PI4KA: variants seen among roughly 807,000 people sequenced by gnomAD.
PI4KA encodes phosphatidylinositol 4-kinase alpha, also known as PI4-kinase alpha.
A neutral mutation model predicts 271.4 loss-of-function variants in PI4KA; 122 were observed. The ratio of observed to expected loss-of-function variants is 0.45; its 90% CI spans 0.39 to 0.52. The LOEUF (loss-of-function observed/expected upper bound fraction) is 0.52. Among genes scored for constraint, PI4KA ranks in the 20% least tolerant of loss-of-function variants. The pLI is 0.00. For missense variants in PI4KA, 1,969 were observed against 2,769.1 expected (o/e 0.71, Z 6.48); for synonymous variants, 1,041 against 1,078.8 (o/e 0.96, Z 0.69).
chr22:20,786,047 T>G (rs900371210), intron 19 of PI4KA: 1 of 1,614,144 alleles, frequency 6.2e-7, no homozygotes, highest in South Asian at 1.1e-5. Context: ...GGAGAAGAAC[T>G]ACAATCTAGT....
At chr22:20,738,816 TA>T (rs887149390) in intron 32 of PI4KA, among the ~76,000 whole-genome samples, 29 of 144,340 alleles carry the variant, frequency 2.0e-4, no homozygotes, top group Non-Finnish European at 2.9e-4. Flanking sequence ...TTGCTTAAAA[TA>T]AAAAAAAAAG....
intron 19 of PI4KA, chr22:20,787,015 C>T (rs775763228): frequency 6.2e-7 from 1 of 1,614,180 alleles, no homozygotes; most frequent in South Asian, 1.1e-5. Context: ...ACGAGCATCG[C>T]ACCAGCTGCC....
At chr22:20,809,166 AAC>A (rs1935850573) in intron 9 of PI4KA, among the ~76,000 whole-genome samples, 2 of 152,196 alleles carry the variant, frequency 1.3e-5, no homozygotes, top group Admixed American at 6.5e-5. Context: ...GAGTCCAGAC[AAC>A]ACGAGTGTTA....
chr22:20,782,380 T>C (rs1159119001), intron 19 of PI4KA, among the ~76,000 whole-genome samples: 1 of 152,198 alleles, frequency 6.6e-6, no homozygotes. Context: ...AGTCACTCAA[T>C]GCCGGGCATC....
intron 9 of PI4KA, among the ~76,000 whole-genome samples, chr22:20,809,345 A>G (rs1432510648): frequency 1.3e-5 from 2 of 152,164 alleles, no homozygotes; most frequent in African/African-American, 4.8e-5. Context: ...GGCACATAAT[A>G]AGCATGTAAT....
At chr22:20,770,192 G>A (rs973222650) in intron 19 of PI4KA, among the ~76,000 whole-genome samples, 18 of 151,136 alleles carry the variant, frequency 1.2e-4, no homozygotes, top group Non-Finnish European at 1.9e-4. Context: ...GCAGCATCAT[G>A]GCCCAGTTTT....
intron 44 of PI4KA, among the ~76,000 whole-genome samples, chr22:20,718,118 C>T (rs930761169): frequency 5.9e-5 from 9 of 152,198 alleles, no homozygotes; most frequent in African/African-American, 2.2e-4. Context: ...GCTGCCAGCA[C>T]TGCTATTCTC....
chr22:20,719,816 G>A (rs1227485963), intron 43 of PI4KA, among the ~76,000 whole-genome samples: 2 of 151,976 alleles, frequency 1.3e-5, no homozygotes, highest in Non-Finnish European at 2.9e-5. Flanking sequence ...CACAAGGTCA[G>A]GAAATTGAGA....
intron 29 of PI4KA, among the ~76,000 whole-genome samples, chr22:20,745,714 T>C (rs1313456265): frequency 1.3e-5 from 2 of 152,174 alleles, no homozygotes; most frequent in Non-Finnish European, 2.9e-5. Flanking sequence ...TAATCAGCTG[T>C]GAGACCTTGG....
chr22:20,764,897 G>C lies in PI4KA; in HGVS notation c.2628C>G (p.Pro876=), dbSNP rs568163938. ...STIINLLDPP[P]EVSALINKLD... Reference sequence around the variant, plus strand: ...GCTTGTTGATGAGTGCGGACACCTCGGGAGGGGGGTCCAGCAGGTTGATGA... The same window carrying C: ...GCTTGTTGATGAGTGCGGACACCTCCGGAGGGGGGTCCAGCAGGTTGATGA... Residue 876 remains proline (P), a synonymous_variant, in exon 22 of 55, where the codon CCC becomes CCG. Coordinates refer to ENST00000255882, the MANE Select transcript of PI4KA (RefSeq NM_058004.4). The C allele has an allele frequency of 1.9e-5, 30 of 1,613,452 alleles. No homozygotes were observed. The African/African-American group carries it at 2.9e-4, about 16-fold the overall frequency.
At chr22:20,790,695 A>ACAC (rs1934573263) in intron 19 of PI4KA, among the ~76,000 whole-genome samples, 1 of 92,364 alleles carries the variant, frequency 1.1e-5, no homozygotes, top group Non-Finnish European at 2.1e-5. Context: ...ATTTAAAAAA[A>ACAC]ACAAACACAC....
rs1451690711 is a variant in PI4KA at position 20,709,784 on chromosome 22, C to T, written c.6173+124G>A. 1.5e-5 allele frequency: 10 copies of T among 671,322 alleles called. 1 individual carries two copies. Among genetic ancestry groups the T allele is most frequent in the Non-Finnish European group, 2.7e-6 (1 of 371,042 alleles). 41.6% of individuals were successfully genotyped at this position (671,322 alleles called of 1,614,324 possible). A position where few individuals can be genotyped will look rare whatever the true frequency, so the allele number is the denominator to read the frequency against. On this transcript the variant is annotated intron_variant, in intron 53 of 54. Coordinates refer to ENST00000255882, the MANE Select transcript of PI4KA (RefSeq NM_058004.4). ...GAGCCTCACCCAAGAACCCTGTCTG[C>T]TCTGAGGTTCCAAGGAGATGACAAC...
chr22:20,742,931 G>A, intron 30 of PI4KA, 167 bp from the exon 31 acceptor site: 2 of 600,032 alleles, frequency 3.3e-6, no homozygotes, highest in Non-Finnish European at 5.9e-6. Context: ...TGCTACCACT[G>A]ATCACAGCTT....
intron 32 of PI4KA, among the ~76,000 whole-genome samples, chr22:20,740,578 G>A (rs1452753162): frequency 6.6e-6 from 1 of 151,858 alleles, no homozygotes; most frequent in Non-Finnish European, 1.5e-5. Flanking sequence ...TAAATACAAT[G>A]AAATTCACAC....
intron 40 of PI4KA, 136 bp from the exon 41 acceptor site, chr22:20,727,533 G>T (rs1568959708): frequency 1.2e-6 from 1 of 853,952 alleles, no homozygotes; most frequent in Non-Finnish European, 1.8e-6. Flanking sequence ...AGATGCTTCT[G>T]ATGTGTTATG....
intron 13 of PI4KA, among the ~76,000 whole-genome samples, chr22:20,802,855 T>C (rs751586021): frequency 1.3e-5 from 2 of 152,252 alleles, no homozygotes; most frequent in Admixed American, 6.5e-5. Flanking sequence ...TGTTTCATCA[T>C]ATGTGGAAAC....
intron 40 of PI4KA, 79 bp from the exon 41 acceptor site, chr22:20,727,476 G>T: frequency 7.6e-7 from 1 of 1,319,690 alleles, no homozygotes; most frequent in Admixed American, 2.7e-5. Context: ...GGCCACACAA[G>T]GACGGCCATG....
chr22:20,816,758 A>G (rs1018747160), intron 7 of PI4KA, among the ~76,000 whole-genome samples: 1 of 152,230 alleles, frequency 6.6e-6, no homozygotes, highest in African/African-American at 2.4e-5. Flanking sequence ...CGTCACCACT[A>G]CAGGCAAAGT....
Position 20,778,436 on chromosome 22 carries a change from C to A in PI4KA, c.2329-12743G>T, listed in dbSNP as rs911628174. ...AGAGAATTGCTTGAGTCCAGGAGGCCGAAGTTGCAGTAAGCCGAGATCGCG... is the reference window on the plus strand; with the variant it reads ...AGAGAATTGCTTGAGTCCAGGAGGCAGAAGTTGCAGTAAGCCGAGATCGCG... On this transcript the variant is annotated intron_variant, in intron 19 of 54. Transcript: ENST00000255882. Among the ~76,000 whole-genome samples the A allele has an allele frequency of 2.6e-5, 4 of 151,872 alleles. No homozygotes were observed. The East Asian group carries it at 7.7e-4, about 29-fold the overall frequency.
Sources: gnomAD v4.1 joint callset for allele counts (sites outside exome capture counted in the v4.1 genomes callset) on GRCh38, gnomAD v4.1.1 for gene constraint, MANE v1.5 for transcripts, NCBI Gene and HGNC (gene_info 2026-07-23, HGNC 2026-07-21) for gene names.